CYP4F22: variants seen among roughly 807,000 people sequenced by gnomAD.
The protein encoded by CYP4F22 is cytochrome P450 family 4 subfamily F member 22.
In CYP4F22, 37 loss-of-function variants were observed where a neutral mutation model predicts 60.4. That is an observed-to-expected ratio of 0.61 (90% CI 0.47 to 0.81). The LOEUF is 0.81. Among genes scored for constraint, CYP4F22 ranks in the 30% least tolerant of loss-of-function variants. The pLI, the probability that CYP4F22 is intolerant of heterozygous loss-of-function variation, is 0.00. For synonymous variants in CYP4F22, 258 were observed against 280.5 expected, an observed-to-expected ratio of 0.92 and a Z score of 0.80; for missense variants, 655 against 715.0, an observed-to-expected ratio of 0.92 and a Z score of 0.96.
At chr19:15,538,380 A>C (rs1971423855) in intron 7 of CYP4F22, among the ~76,000 whole-genome samples, 1 of 152,190 alleles carries the variant, frequency 6.6e-6, no homozygotes, top group African/African-American at 2.4e-5. Context: ...ACAATCTCTT[A>C]CTTTCTGAGA....
At chr19:15,536,098 G>A (rs772118324) in intron 4 of CYP4F22, among the ~76,000 whole-genome samples, 1 of 152,174 alleles carries the variant, frequency 6.6e-6, no homozygotes, top group Non-Finnish European at 1.5e-5. Context: ...CAGCACTTTG[G>A]GAGGCTGAAC....
At position 15,540,510 on chromosome 19, in the gene CYP4F22, G is replaced by T. The variant is rs764969665; in HGVS notation, c.732G>T (p.Gln244His). 2 of 1,614,210 alleles carry T rather than the reference G, an allele frequency of 1.2e-6. No homozygotes were observed. The highest frequency in any genetic ancestry group is 1.7e-6 in the Non-Finnish European group (2 of 1,180,044). The change falls in exon 8 of 14, where the codon CAG becomes CAT. Residue 244 changes from glutamine (Q) to histidine (H), a missense_variant. Coordinates refer to ENST00000269703, the MANE Select transcript of CYP4F22 (RefSeq NM_173483.4). ...TGAGCGCTCTGTCTGTCCGGCGCCA[G>T]TATCGCTTGCACCACTACCTCGACT... ...IELSALSVRR[Q>H]YRLHHYLDFI...
chr19:15,509,904 C>CCTTCCTTT lies in CYP4F22; in HGVS notation c.-109+1324_-109+1325insCCTTTCTT, dbSNP rs1323141197. On this transcript the variant is annotated intron_variant, in intron 1 of 13. Coordinates refer to ENST00000269703, the MANE Select transcript of CYP4F22 (RefSeq NM_173483.4). ...TCCTTCCTTCCTTCCTTCCTTCCTTCCTTTCTTTCTTTCCTTCCTTCTTTC... is the reference window on the plus strand; with the variant it reads ...TCCTTCCTTCCTTCCTTCCTTCCTTCCTTCCTTTCTTTCTTTCTTTCCTTCCTTCTTTC... Among the ~76,000 whole-genome samples the CCTTCCTTT allele has an allele frequency of 1.9e-3, 166 of 86,768 alleles. 1 individual carries two copies. Among genetic ancestry groups the CCTTCCTTT allele is most frequent in the Middle Eastern group, 6.2e-3 (1 of 162 alleles). 56.9% of individuals were successfully genotyped at this position (86,768 alleles called of 152,430 possible).
intron 8 of CYP4F22, among the ~76,000 whole-genome samples, chr19:15,541,558 T>C (rs1971462578): frequency 6.6e-6 from 1 of 152,064 alleles, no homozygotes; most frequent in African/African-American, 2.4e-5. Context: ...CAGGGAACCA[T>C]TCAGCTCATC....
chr19:15,534,394 T>G (rs1599803522), intron 4 of CYP4F22, among the ~76,000 whole-genome samples: 4 of 152,278 alleles, frequency 2.6e-5, no homozygotes, highest in South Asian at 4.2e-4. Context: ...GAGCATGAGT[T>G]TCTCCATGCT....
At position 15,537,857 on chromosome 19, in the gene CYP4F22, G is replaced by A; in HGVS notation, c.550-15G>A. ...TGTGGTTTCCATGCACAGTCACCAT[G>A]TATCTCTCTTCCAGGCTAAATGGCG... On this transcript the variant is annotated splice_polypyrimidine_tract_variant and intron_variant, in intron 6 of 13. Coordinates refer to ENST00000269703, the MANE Select transcript of CYP4F22 (RefSeq NM_173483.4). The A allele has an allele frequency of 1.2e-6, 2 of 1,613,362 alleles. No homozygotes were observed. The highest frequency in any genetic ancestry group is 1.7e-6 in the Non-Finnish European group (2 of 1,180,026).
intron 4 of CYP4F22, among the ~76,000 whole-genome samples, chr19:15,534,836 A>C (rs889072399): frequency 1.3e-5 from 2 of 152,148 alleles, no homozygotes; most frequent in Non-Finnish European, 2.9e-5. Context: ...CCCAGATGGA[A>C]GGTCCTGCCA....
intron 10 of CYP4F22, among the ~76,000 whole-genome samples, chr19:15,547,037 T>TTTTTTTC (rs1971535203): frequency 6.8e-6 from 1 of 146,186 alleles, no homozygotes; most frequent in Non-Finnish European, 1.5e-5. Flanking sequence ...TTTTTTTTTT[T>TTTTTTTC]TTTAAGACAA....
Position 15,551,562 on chromosome 19 carries a change from C to A in CYP4F22, c.*91C>A. 1 of 1,443,492 alleles carries A rather than the reference C, an allele frequency of 6.9e-7. No individual in the cohort carries two copies. Among genetic ancestry groups the A allele is most frequent in the Non-Finnish European group, 9.3e-7 (1 of 1,074,458 alleles). 89.4% of individuals were successfully genotyped at this position (1,443,492 alleles called of 1,614,324 possible). A position where few individuals can be genotyped will look rare whatever the true frequency, so the allele number is the denominator to read the frequency against. On this transcript the variant is annotated 3_prime_UTR_variant, in exon 14 of 14. Transcript: ENST00000269703. ...CAAAGATCCCGAGGGCATAGGCCAC[C>A]CCCCTCGAAGTTCAGGTTCAGCTCC...
intron 1 of CYP4F22, chr19:15,515,414 A>T: frequency 8.2e-7 from 1 of 1,212,838 alleles, no homozygotes; most frequent in Non-Finnish European, 1.2e-6. Context: ...TCCAACTCAG[A>T]CAGCAACTTT....
chr19:15,516,849 T>TC, intron 1 of CYP4F22: 62 of 367,878 alleles, frequency 1.7e-4, no homozygotes, highest in Non-Finnish European at 2.3e-4. Flanking sequence ...TTTTTTTTTT[T>TC]TTTTTGAGAC....
chr19:15,550,498 GAAC>G (rs1025950651), intron 12 of CYP4F22, among the ~76,000 whole-genome samples, 173 bp from the exon 13 acceptor site: 8 of 152,142 alleles, frequency 5.3e-5, no homozygotes, highest in African/African-American at 1.9e-4. Context: ...TGGTGCGTGT[GAAC>G]AACAGAAGGA....
chr19:15,518,840 T>C (rs1225117821), intron 1 of CYP4F22, among the ~76,000 whole-genome samples: 3 of 151,976 alleles, frequency 2.0e-5, no homozygotes, highest in Non-Finnish European at 4.4e-5. Context: ...AGAATGGACT[T>C]CTTGCAGGGA....
In CYP4F22 at chr19:15,551,303, C is replaced by G. The variant is rs781553299; in HGVS notation, c.1428C>G (p.Ile476Met). The G allele has an allele frequency of 1.2e-6, 2 of 1,612,586 alleles. No homozygotes were observed. The highest frequency in any genetic ancestry group is 8.5e-7 in the Non-Finnish European group (1 of 1,179,384). Residue 476 changes from isoleucine (I) to methionine (M), a missense_variant, in exon 14 of 14, where the codon ATC becomes ATG. This residue lies in a region of CYP4F22 where 151 missense variants were observed against 139.4 expected (regional missense o/e 1.08). Transcript: ENST00000269703. ...TCCCCTCTTCCTCCAGGAATTGCATCGGACAGAGCTTCGCCATGGCCGAGT... is the reference window on the plus strand; with the variant it reads ...TCCCCTCTTCCTCCAGGAATTGCATGGGACAGAGCTTCGCCATGGCCGAGT... ...VPFSAGPRNC[I>M]GQSFAMAELR...
chr19:15,550,952 C>G (rs563632665), intron 13 of CYP4F22, among the ~76,000 whole-genome samples, 196 bp downstream of exon 13: 5 of 152,150 alleles, frequency 3.3e-5, no homozygotes, highest in African/African-American at 7.2e-5. Flanking sequence ...TGAGCACCAA[C>G]GGTGTGTCAG....
intron 2 of CYP4F22, among the ~76,000 whole-genome samples, chr19:15,525,018 T>C (rs1052674019): frequency 3.3e-5 from 5 of 152,040 alleles, no homozygotes; most frequent in Non-Finnish European, 5.9e-5. Flanking sequence ...GCCTCAGTCA[T>C]TGGTTGAGAG....
chr19:15,543,864 A>G, intron 8 of CYP4F22, 107 bp from the exon 9 acceptor site: 1 of 1,239,356 alleles, frequency 8.1e-7, no homozygotes, highest in Non-Finnish European at 1.1e-6. Context: ...CTCAGAAAAA[A>G]AAAAAAAAAA....
intron 10 of CYP4F22, among the ~76,000 whole-genome samples, chr19:15,545,671 A>AAAAAAG (rs1971517052): frequency 2.4e-5 from 1 of 41,404 alleles, no homozygotes; most frequent in African/African-American, 1.2e-4. Context: ...AAAAAAAAAA[A>AAAAAAG]GAAAAGAAAA....
chr19:15,532,237 TTC>T (rs200931432), intron 4 of CYP4F22, among the ~76,000 whole-genome samples: 1,527 of 151,488 alleles, frequency 0.01, 13 homozygotes, highest in Non-Finnish European at 0.013. Context: ...CTCCTTCTAC[TTC>T]TCTCTCTACT....
Sources: allele counts gnomAD v4.1 joint callset (sites outside exome capture counted in the v4.1 genomes callset), GRCh38; gene constraint gnomAD v4.1.1; regional missense constraint gnomAD v4.1.1; transcripts MANE v1.5; gene names NCBI Gene and HGNC (gene_info 2026-07-23, HGNC 2026-07-21).